The following ABCC5 variants were observed in gnomAD, a reference collection of about 807,000 sequenced individuals.
ABCC5 encodes the protein ATP-binding cassette sub-family C member 5.
A neutral mutation model predicts 160.9 loss-of-function variants in ABCC5; 61 were observed. The observed-to-expected ratio is 0.38, with a 90% CI of 0.31 to 0.47. The LOEUF is 0.47. Among genes scored for constraint, ABCC5 ranks in the 20% least tolerant of loss-of-function variants. ABCC5 has a pLI of 0.99. For missense variants in ABCC5, 1,308 were observed against 1,813.3 expected (o/e 0.72, Z 5.06); for synonymous variants, 666 against 700.6 (o/e 0.95, Z 0.78).
chr3:183,943,890 T>G (rs1714597800), intron 24 of ABCC5, among the ~76,000 whole-genome samples: 1 of 152,180 alleles, frequency 6.6e-6, no homozygotes, highest in Non-Finnish European at 1.5e-5. Context: ...CAGGACAGTG[T>G]GCAAAGAGGC....
intron 10 of ABCC5, 63 bp downstream of exon 10, chr3:183,977,454 G>C (rs1718317450): frequency 1.5e-6 from 2 of 1,304,856 alleles, no homozygotes; most frequent in Non-Finnish European, 2.2e-6. Context: ...CCCTTGAACA[G>C]AGCCAGCAGT....
chr3:183,959,005 G>C (rs1716485601), intron 17 of ABCC5, among the ~76,000 whole-genome samples: 2 of 150,190 alleles, frequency 1.3e-5, no homozygotes, highest in Admixed American at 6.7e-5. Flanking sequence ...AGGAGGTGAA[G>C]CAACAAAGAG....
rs763241149 is a variant in ABCC5 at position 183,951,917 on chromosome 3, G to A, written c.2754C>T (p.Tyr918=). Residue 918 remains tyrosine (Y), a synonymous_variant, in exon 19 of 30, where the codon TAC becomes TAT. Coordinates refer to ENST00000334444, the MANE Select transcript of ABCC5 (RefSeq NM_005688.4). This position sits in a 1 kb window ranked among gnomAD's most constrained non-coding sequence, Gnocchi z 4.7. ...TCAGCATGACTGCCATGGAGAGGGCGTAGATGCTGGCATAGTACTGCATAT... is the reference window on the plus strand; with the variant it reads ...TCAGCATGACTGCCATGGAGAGGGCATAGATGCTGGCATAGTACTGCATAT... ...NPHMQYYASI[Y]ALSMAVMLIL... is the part of the protein sequence containing the mutation. 2.2e-5 allele frequency: 35 copies of A among 1,614,002 alleles called. No individual in the cohort carries two copies. Among genetic ancestry groups the A allele is most frequent in the African/African-American group, 5.3e-5 (4 of 74,934 alleles).
At chr3:183,978,893 T>A (rs1718455852) in intron 8 of ABCC5, among the ~76,000 whole-genome samples, 1 of 152,254 alleles carries the variant, frequency 6.6e-6, no homozygotes, top group Admixed American at 6.5e-5. Context: ...GATACCTTTT[T>A]CTGATTCTTC....
chr3:183,983,932 G>A (rs1006132238), intron 5 of ABCC5: 23 of 985,228 alleles, frequency 2.3e-5, no homozygotes, highest in Admixed American at 1.2e-4. Flanking sequence ...GTTGTTTAAC[G>A]ACACACAGTA....
chr3:184,013,904 G>A (rs1332714535), intron 2 of ABCC5, among the ~76,000 whole-genome samples: 3 of 151,608 alleles, frequency 2.0e-5, no homozygotes, highest in African/African-American at 4.9e-5. Context: ...ACTGAGTCTC[G>A]CTCTATCGCC....
chr3:184,012,767 G>T (rs1021327233), intron 2 of ABCC5, among the ~76,000 whole-genome samples: 1 of 152,192 alleles, frequency 6.6e-6, no homozygotes, highest in Admixed American at 6.5e-5. Context: ...AGAAGCATTT[G>T]ACACTGATTA....
Position 183,921,405 on chromosome 3 carries a change from CA to C in ABCC5, c.4213-5del, listed in dbSNP as rs775310511. Reference sequence around the variant, plus strand: ...ATGGGGTGTCAAACTCCACCACCTGCAAAAGAAGGAGACGCCGTCAGGACAC... The same window carrying C: ...ATGGGGTGTCAAACTCCACCACCTGCAAAGAAGGAGACGCCGTCAGGACAC... On this transcript the variant is annotated splice_polypyrimidine_tract_variant and splice_region_variant and intron_variant, in intron 29 of 29. Transcript: ENST00000334444. This position sits in a 1 kb window ranked among gnomAD's most constrained non-coding sequence, Gnocchi z 4.1. The C allele has an allele frequency of 6.2e-7, 1 of 1,611,400 alleles. No homozygotes were observed. The highest frequency in any genetic ancestry group is 1.1e-5 in the South Asian group (1 of 90,592).
chr3:183,973,712 T>C (rs1354922516), intron 10 of ABCC5, among the ~76,000 whole-genome samples: 1 of 152,200 alleles, frequency 6.6e-6, no homozygotes, highest in African/African-American at 2.4e-5. Context: ...CGAGTAACCT[T>C]AGGTGTGGCC....
At chr3:183,995,856 G>A (rs1720232675) in intron 2 of ABCC5, among the ~76,000 whole-genome samples, 1 of 152,052 alleles carries the variant, frequency 6.6e-6, no homozygotes, top group African/African-American at 2.4e-5. Context: ...CGCCCAGGCT[G>A]GAGTGCAGTG....
chr3:183,974,266 TG>T (rs1208359662), intron 10 of ABCC5, among the ~76,000 whole-genome samples: 1 of 152,218 alleles, frequency 6.6e-6, no homozygotes, highest in Non-Finnish European at 1.5e-5. Context: ...CTCACAGGGT[TG>T]CCAGATAAAT....
intron 12 of ABCC5, 144 bp downstream of exon 12, chr3:183,967,551 C>T (rs143789873): frequency 5.5e-6 from 4 of 726,768 alleles, no homozygotes; most frequent in East Asian, 2.7e-5. Context: ...CTGGGGGGAA[C>T]TGCGGGGGAT....
intron 23 of ABCC5, 97 bp from the exon 24 acceptor site, chr3:183,946,036 C>T: frequency 8.9e-7 from 1 of 1,119,932 alleles, no homozygotes. Context: ...CTACTAAGAA[C>T]TGAGCACATG....
In ABCC5 at chr3:183,989,399, G is replaced by A. The variant is rs1420987002; in HGVS notation, c.130-16C>T. The A allele has an allele frequency of 1.2e-6, 2 of 1,613,042 alleles. No individual in the cohort carries two copies. Among genetic ancestry groups the A allele is most frequent in the Admixed American group, 1.7e-5 (1 of 59,934 alleles). On this transcript the variant is annotated splice_polypyrimidine_tract_variant and intron_variant, in intron 2 of 29. Coordinates refer to ENST00000334444, the MANE Select transcript of ABCC5 (RefSeq NM_005688.4). ...GGCATTCCAACTGTTCCAGCAGATA[G>A]GGAGAAAGGCAAGAGCACAGTTAAT...
At chr3:183,962,587 A>G (rs573264234) in intron 15 of ABCC5, among the ~76,000 whole-genome samples, 1 of 149,288 alleles carries the variant, frequency 6.7e-6, no homozygotes, top group Admixed American at 6.7e-5. Context: ...GCCGGAGTGC[A>G]ATGATGCAAT....
At chr3:183,950,429 A>G (rs909390815) in intron 20 of ABCC5, among the ~76,000 whole-genome samples, 1 of 152,234 alleles carries the variant, frequency 6.6e-6, no homozygotes, top group South Asian at 2.1e-4. Flanking sequence ...ATATGTGAAG[A>G]AGAAAACAAA....
At chr3:184,006,416 ATCTCCTTCCTCCTGC>A (rs1396321004) in intron 2 of ABCC5, 2 of 152,176 alleles carry the variant, frequency 1.3e-5, no homozygotes, top group African/African-American at 4.8e-5. Flanking sequence ...CAAAATGCTA[ATCTCCTTCCTCCTGC>A]TCTCCTTCCT....
intron 26 of ABCC5, among the ~76,000 whole-genome samples, chr3:183,937,040 GA>G (rs1415438445): frequency 1.4e-4 from 22 of 152,180 alleles, no homozygotes; most frequent in African/African-American, 5.3e-4. Flanking sequence ...AGTAGAAAAT[GA>G]AATAACATGA....
chr3:183,921,537 C>T lies in ABCC5; in HGVS notation c.4213-136G>A. On this transcript the variant is annotated intron_variant, in intron 29 of 29. Coordinates refer to ENST00000334444, the MANE Select transcript of ABCC5 (RefSeq NM_005688.4). The surrounding 1 kb of genome is among the most constrained non-coding windows in gnomAD (Gnocchi z 4.1). ...AATTCAACTAGCCCTGCGTGCACCTCCCCCCTTATTTTTTTATTTTCAACT... is the reference window on the plus strand; with the variant it reads ...AATTCAACTAGCCCTGCGTGCACCTTCCCCCTTATTTTTTTATTTTCAACT... 1.7e-6 allele frequency: 1 copy of T among 576,046 alleles called. No homozygotes were observed. The highest frequency in any genetic ancestry group is 3.4e-5 in the East Asian group (1 of 29,278). The allele number at this position is 576,046 out of a possible 1,614,324, so 35.7% of individuals were successfully genotyped here. A position where few individuals can be genotyped will look rare whatever the true frequency, so the allele number is the denominator to read the frequency against.
Sources: allele counts gnomAD v4.1 joint callset (sites outside exome capture counted in the v4.1 genomes callset), GRCh38; gene constraint gnomAD v4.1.1; non-coding constraint Gnocchi (gnomAD v3.1); transcripts MANE v1.5; gene names NCBI Gene and HGNC (gene_info 2026-07-23, HGNC 2026-07-21).